RIN2: variants seen among roughly 807,000 people sequenced by gnomAD.
RIN2 encodes the protein Ras and Rab interactor 2.
In RIN2, 36 loss-of-function variants were observed where a neutral mutation model predicts 78.0. The observed-to-expected ratio is 0.46, with a 90% CI of 0.35 to 0.61. RIN2 has a LOEUF of 0.61. Among genes scored for constraint, RIN2 ranks in the 20% least tolerant of loss-of-function variants. The pLI is 0.00. For synonymous variants in RIN2, 466 were observed against 466.8 expected (o/e 1.00, Z 0.02); for missense variants, 1,087 against 1,159.7 (o/e 0.94, Z 0.91).
At chr20:19,801,054 G>C (rs1185810111) in intron 2 of RIN2, among the ~76,000 whole-genome samples, 1 of 152,164 alleles carries the variant, frequency 6.6e-6, no homozygotes, top group Non-Finnish European at 1.5e-5. Context: ...CCCTTGCAGA[G>C]TAAGAGCAAT....
chr20:19,825,489 T>A (rs2036062904), intron 2 of RIN2, among the ~76,000 whole-genome samples: 2 of 152,174 alleles, frequency 1.3e-5, no homozygotes, highest in African/African-American at 2.4e-5. Context: ...AAACTAAACT[T>A]TTCTAGGCCC....
At position 19,998,103 on chromosome 20, in the gene RIN2, G is replaced by A. The variant is rs189188103; in HGVS notation, c.2364+1261G>A. 2.6e-3 allele frequency among the ~76,000 whole-genome samples: 391 copies of A among 151,512 alleles called. 1 individual carries two copies. The highest frequency in any genetic ancestry group is 8.5e-3 in the African/African-American group (353 of 41,356). On this transcript the variant is annotated intron_variant, in intron 12 of 12. Transcript: ENST00000255006. ...AAACGATTCTCCTGCCTCAGCCTCC[G>A]GAGTAGCTGGGACTACAGGTGCTCA...
At chr20:19,960,674 G>A in intron 5 of RIN2, 26 bp from the exon 6 acceptor site, 1 of 1,484,878 alleles carries the variant, frequency 6.7e-7, no homozygotes. Flanking sequence ...ATTTCCTAAA[G>A]CTTGTATTTC....
chr20:19,867,157 CT>C (rs1003346970), intron 2 of RIN2, among the ~76,000 whole-genome samples: 7 of 152,010 alleles, frequency 4.6e-5, no homozygotes, highest in African/African-American at 1.7e-4. Flanking sequence ...TTTTATTTCT[CT>C]TTTTTACCTC....
chr20:19,778,529 C>T (rs1027175378), intron 1 of RIN2, among the ~76,000 whole-genome samples: 6 of 152,134 alleles, frequency 3.9e-5, no homozygotes, highest in African/African-American at 1.4e-4. Flanking sequence ...GAACTGGTCC[C>T]AAGTCACAAA....
rs990654824 is a variant in RIN2, at chr20:20,001,345, T to G, written c.*409T>G. 1.3e-4 allele frequency: 20 copies of G among 153,790 alleles called. No individual in the cohort carries two copies. Among genetic ancestry groups the G allele is most frequent in the African/African-American group, 3.5e-4 (14 of 40,510 alleles). The allele number at this position is 153,790 out of a possible 1,614,324, so 9.5% of individuals were successfully genotyped here. On this transcript the variant is annotated 3_prime_UTR_variant, in exon 13 of 13. Coordinates refer to ENST00000255006, the MANE Select transcript of RIN2 (RefSeq NM_018993.4). ...CCTGTGGATGGCTTCATCCCTGCCT[T>G]CCTTCCTTTCTTTTTCCTTTTTTTT...
chr20:19,937,145 T>C lies in RIN2; in HGVS notation c.158+1946T>C, dbSNP rs2040678345. 1.3e-5 allele frequency among the ~76,000 whole-genome samples: 2 copies of C among 152,212 alleles called. 1 individual carries two copies. The highest frequency in any genetic ancestry group is 1.3e-4 in the Admixed American group (2 of 15,288). On this transcript the variant is annotated intron_variant, in intron 4 of 12. Coordinates refer to ENST00000255006, the MANE Select transcript of RIN2 (RefSeq NM_018993.4). ...TGCTGATTTTTTAGAAGTAGTGAGT[T>C]TGGTTTTAATTTCTCCATTTTGTCC...
At chr20:19,948,258 A>G (rs2041175924) in intron 4 of RIN2, among the ~76,000 whole-genome samples, 1 of 152,180 alleles carries the variant, frequency 6.6e-6, no homozygotes, top group Non-Finnish European at 1.5e-5. Flanking sequence ...ACGGGCCACA[A>G]CCACCTTATT....
chr20:19,978,295 C>T (rs2042345256), intron 9 of RIN2, among the ~76,000 whole-genome samples: 1 of 152,202 alleles, frequency 6.6e-6, no homozygotes, highest in African/African-American at 2.4e-5. Context: ...GGAGATAATA[C>T]ACTGGTTTAA....
intron 2 of RIN2, among the ~76,000 whole-genome samples, chr20:19,842,443 T>G (rs191061706): frequency 8.1e-4 from 105 of 129,168 alleles, no homozygotes; most frequent in African/African-American, 3.0e-3. Context: ...GGTTTCGCCA[T>G]GTTGGCCAGG....
At chr20:19,903,029 C>T (rs1238589996) in intron 3 of RIN2, among the ~76,000 whole-genome samples, 3 of 151,966 alleles carry the variant, frequency 2.0e-5, no homozygotes, top group African/African-American at 4.8e-5. Flanking sequence ...GGAGGCGGAG[C>T]GTGCCGTGAG....
At chr20:19,986,092 A>T (rs2042613221) in intron 9 of RIN2, among the ~76,000 whole-genome samples, 1 of 152,228 alleles carries the variant, frequency 6.6e-6, no homozygotes, top group Non-Finnish European at 1.5e-5. Flanking sequence ...GATCATAGAA[A>T]AAAATGGAGA....
intron 2 of RIN2, among the ~76,000 whole-genome samples, chr20:19,803,822 T>G (rs1676319716): frequency 6.7e-6 from 1 of 150,118 alleles, no homozygotes; most frequent in Admixed American, 6.6e-5. Context: ...ATTCTTCCTA[T>G]CCTTGAGCAT....
Position 19,974,906 on chromosome 20 carries a change from G to A in RIN2, c.881G>A (p.Arg294Lys), listed in dbSNP as rs1365806018. The A allele has an allele frequency of 2.5e-6, 4 of 1,613,762 alleles. No individual in the cohort carries two copies. The highest frequency in any genetic ancestry group is 3.4e-6 in the Non-Finnish European group (4 of 1,179,802). The change falls in exon 9 of 13, where the codon AGG becomes AAG. Residue 294 changes from arginine (R) to lysine (K), a missense_variant. By Grantham distance (26) the Arg-to-Lys change is conservative (BLOSUM62 2). Around this residue, in one of 8 missense-constraint regions of RIN2, gnomAD observed 706 missense variants for 667.5 expected, o/e 1.06. Transcript: ENST00000255006. ...LSGGLKRPSTRTPNANGTERT... is the reference protein window; with the variant it reads ...LSGGLKRPSTKTPNANGTERT... ...GGAGGCCTGAAACGGCCGAGCACAA[G>A]GACTCCCAACGCGAATGGCACGGAG...
intron 6 of RIN2, 35 bp from the exon 7 acceptor site, chr20:19,964,917 G>A: frequency 6.3e-7 from 1 of 1,590,762 alleles, no homozygotes; most frequent in Non-Finnish European, 8.6e-7. Context: ...ACGTGCTCAG[G>A]GAGAATCAGC....
Position 19,969,025 on chromosome 20 carries a change from C to T in RIN2, c.537-1813C>T, listed in dbSNP as rs2042023382. ...CATGGAAGGAAGAGGTGATATGGGC[C>T]TGACCCCCAAGAACAGCAGCCTCCT... On this transcript the variant is annotated intron_variant, in intron 7 of 12. Coordinates refer to ENST00000255006, the MANE Select transcript of RIN2 (RefSeq NM_018993.4). 2.6e-5 allele frequency among the ~76,000 whole-genome samples: 4 copies of T among 152,108 alleles called. No individual in the cohort carries two copies. In the South Asian group the frequency reaches 8.3e-4, roughly 32 times the overall value.
chr20:19,873,821 T>C (rs371774105), intron 2 of RIN2, among the ~76,000 whole-genome samples: 1 of 152,234 alleles, frequency 6.6e-6, no homozygotes, highest in Admixed American at 6.5e-5. Context: ...TTGATCCTCA[T>C]TATTTGTGAA....
chr20:19,924,072 A>C (rs1374287463), intron 3 of RIN2, among the ~76,000 whole-genome samples: 1 of 69,348 alleles, frequency 1.4e-5, no homozygotes, highest in Admixed American at 1.9e-4. Context: ...CCCCACTTTC[A>C]TACCCCCACC....
chr20:19,966,891 G>A (rs566296530), intron 7 of RIN2, among the ~76,000 whole-genome samples: 1 of 149,590 alleles, frequency 6.7e-6, no homozygotes, highest in South Asian at 2.1e-4. Flanking sequence ...TGGTGCAGAA[G>A]CACAGCCCCC....
Sources: allele counts gnomAD v4.1 joint callset (sites outside exome capture counted in the v4.1 genomes callset), GRCh38; gene constraint gnomAD v4.1.1; regional missense constraint gnomAD v4.1.1; transcripts MANE v1.5; gene names NCBI Gene and HGNC (gene_info 2026-07-23, HGNC 2026-07-21).